Variants in MTMR2 observed in about 807,000 individuals in gnomAD.
MTMR2 encodes the protein myotubularin related protein 2, also known as phosphatidylinositol-3,5-bisphosphate 3-phosphatase MTMR2.
In MTMR2, 55 loss-of-function variants were observed where a neutral mutation model predicts 86.9. That is an observed-to-expected ratio of 0.63 (90% CI 0.51 to 0.79). The LOEUF (loss-of-function observed/expected upper bound fraction) is 0.79. Among genes scored for constraint, MTMR2 ranks in the 30% least tolerant of loss-of-function variants. The pLI is 0.00. For synonymous variants in MTMR2, 241 were observed against 266.8 expected (o/e 0.90, Z 0.94); for missense variants, 659 against 772.3 (o/e 0.85, Z 1.74).
At chr11:95,905,408 C>G (rs1410712032) in intron 1 of MTMR2, among the ~76,000 whole-genome samples, 1 of 151,524 alleles carries the variant, frequency 6.6e-6, no homozygotes, top group African/African-American at 2.4e-5. Context: ...AAAATGCAGG[C>G]TGGGGAAAGG....
At chr11:95,920,716 A>C (rs1210931343) in intron 1 of MTMR2, among the ~76,000 whole-genome samples, 1 of 152,208 alleles carries the variant, frequency 6.6e-6, no homozygotes, top group Non-Finnish European at 1.5e-5. Context: ...CCTGTAATCC[A>C]ACTTCAATGG....
chr11:95,913,312 T>C (rs1049909442), intron 1 of MTMR2, among the ~76,000 whole-genome samples: 1 of 152,128 alleles, frequency 6.6e-6, no homozygotes, highest in African/African-American at 2.4e-5. Context: ...TGACACTAAA[T>C]AGCTCTATGA....
intron 1 of MTMR2, among the ~76,000 whole-genome samples, chr11:95,923,425 A>G (rs1231233600): frequency 6.6e-6 from 1 of 152,156 alleles, no homozygotes; most frequent in Non-Finnish European, 1.5e-5. Flanking sequence ...GAAAAGAGAG[A>G]AAAGGGCTGG....
intron 5 of MTMR2, 99 bp downstream of exon 5, chr11:95,861,893 A>G (rs1565358928): frequency 2.2e-6 from 2 of 906,610 alleles, no homozygotes; most frequent in Non-Finnish European, 3.4e-6. Flanking sequence ...CTAATTGGAA[A>G]TCCATTTTAT....
At position 95,862,168 on chromosome 11, in the gene MTMR2, A is replaced by C. The variant is rs905039152; in HGVS notation, c.358-66T>G. 28 of 1,538,564 alleles carry C rather than the reference A, an allele frequency of 1.8e-5. No homozygotes were observed. The African/African-American group carries it at 3.5e-4, about 19-fold the overall frequency. Reference sequence around the variant, plus strand: ...ATACTGTCCAATTATAGAGCTGATCAAAATCTTAATCAGAAATGCTTTAAT... The same window carrying C: ...ATACTGTCCAATTATAGAGCTGATCCAAATCTTAATCAGAAATGCTTTAAT... On this transcript the variant is annotated intron_variant, in intron 4 of 14. Transcript: ENST00000346299.
chr11:95,912,404 T>G (rs886856878), intron 1 of MTMR2, among the ~76,000 whole-genome samples: 1 of 151,722 alleles, frequency 6.6e-6, no homozygotes, highest in African/African-American at 2.4e-5. Flanking sequence ...AAATTTATAA[T>G]TGAAAAATAT....
At chr11:95,877,824 G>A (rs553879246) in intron 2 of MTMR2, among the ~76,000 whole-genome samples, 96 of 152,088 alleles carry the variant, frequency 6.3e-4, no homozygotes, top group African/African-American at 2.2e-3. Flanking sequence ...CTCCCTCAAA[G>A]CTCTCTTGGT....
chr11:95,873,243 T>G (rs1479180014), intron 2 of MTMR2, among the ~76,000 whole-genome samples: 5 of 152,308 alleles, frequency 3.3e-5, no homozygotes, highest in African/African-American at 1.2e-4. Flanking sequence ...GTCCTGGACT[T>G]TTTTTGGTTG....
intron 7 of MTMR2, 70 bp from the exon 8 acceptor site, chr11:95,850,819 C>T: frequency 6.9e-7 from 1 of 1,439,850 alleles, no homozygotes; most frequent in Non-Finnish European, 9.7e-7. Context: ...AGGACAGAAG[C>T]CATCCTGTTC....
At chr11:95,898,136 TATC>T (rs1312472761) in intron 1 of MTMR2, among the ~76,000 whole-genome samples, 3 of 152,086 alleles carry the variant, frequency 2.0e-5, no homozygotes, top group Admixed American at 6.6e-5. Context: ...CTTATGTGTC[TATC>T]ATCATTGCCT....
chr11:95,835,997 G>T (rs1396424871), intron 14 of MTMR2, 151 bp downstream of exon 14: 10 of 800,624 alleles, frequency 1.2e-5, no homozygotes, highest in Admixed American at 3.5e-5. Context: ...CCCTGCCCCA[G>T]TGTAGTATTT....
At chr11:95,861,860 A>C in intron 5 of MTMR2, 132 bp downstream of exon 5, 1 of 748,372 alleles carries the variant, frequency 1.3e-6, no homozygotes, top group Non-Finnish European at 2.2e-6. Context: ...TTCTTCTATC[A>C]ATGTCATACT....
chr11:95,859,596 G>A, intron 5 of MTMR2, among the ~76,000 whole-genome samples: 1 of 152,086 alleles, frequency 6.6e-6, no homozygotes, highest in East Asian at 1.9e-4. Flanking sequence ...ATTGATACTT[G>A]AATGAAACAT....
intron 1 of MTMR2, among the ~76,000 whole-genome samples, chr11:95,905,175 C>G (rs1298225536): frequency 6.6e-6 from 1 of 152,104 alleles, no homozygotes; most frequent in Admixed American, 6.6e-5. Context: ...TCCTTAACCT[C>G]ATAACACTGG....
rs1866718447 is a variant in MTMR2 at position 95,916,599 on chromosome 11, T to C, written c.80+7276A>G. On this transcript the variant is annotated intron_variant, in intron 1 of 14. Coordinates refer to ENST00000346299, the MANE Select transcript of MTMR2 (RefSeq NM_016156.6). ...GGAAAAAAATTTAGCATCTCCTATATTAAGCCACTGTCAGTTTGTATTTTG... is the reference window on the plus strand; with the variant it reads ...GGAAAAAAATTTAGCATCTCCTATACTAAGCCACTGTCAGTTTGTATTTTG... Among the ~76,000 whole-genome samples the C allele has an allele frequency of 5.9e-5, 9 of 152,092 alleles. No individual in the cohort carries two copies. In the South Asian group the frequency reaches 1.9e-3, roughly 32 times the overall value.
intron 12 of MTMR2, chr11:95,840,210 T>C (rs1318887695): frequency 6.6e-6 from 1 of 152,102 alleles, no homozygotes; most frequent in Admixed American, 6.6e-5. Flanking sequence ...AAACACATCG[T>C]TTCCTTCAAG....
intron 2 of MTMR2, among the ~76,000 whole-genome samples, chr11:95,886,991 T>C (rs908228227): frequency 1.3e-5 from 2 of 152,192 alleles, no homozygotes; most frequent in Admixed American, 1.3e-4. Context: ...GCATAAGATA[T>C]ATGCAGATTA....
At chr11:95,837,301 G>A (rs1863327633) in intron 13 of MTMR2, among the ~76,000 whole-genome samples, 2 of 151,966 alleles carry the variant, frequency 1.3e-5, no homozygotes, top group African/African-American at 2.4e-5. Context: ...TTCCCCAAGC[G>A]AACTGTTACA....
intron 1 of MTMR2, among the ~76,000 whole-genome samples, chr11:95,915,132 T>C (rs1866650924): frequency 6.6e-6 from 1 of 152,210 alleles, no homozygotes; most frequent in African/African-American, 2.4e-5. Flanking sequence ...AGAATGTTGT[T>C]ATCTAATATT....
Sources: gnomAD v4.1 joint callset for allele counts (sites outside exome capture counted in the v4.1 genomes callset) on GRCh38, gnomAD v4.1.1 for gene constraint, MANE v1.5 for transcripts, NCBI Gene and HGNC (gene_info 2026-07-23, HGNC 2026-07-21) for gene names.